Variants in MAGI1 observed in about 807,000 individuals in gnomAD.
MAGI1 encodes membrane-associated guanylate kinase, WW and PDZ domain-containing protein 1.
In MAGI1, 58 loss-of-function variants were observed where a neutral mutation model predicts 139.9. The observed-to-expected ratio is 0.41, with a 90% CI of 0.34 to 0.52. The LOEUF (loss-of-function observed/expected upper bound fraction) is 0.52. MAGI1 is among the 20% of genes least tolerant of loss of function. The pLI, the probability that MAGI1 is intolerant of heterozygous loss-of-function variation, is 0.12. For synonymous variants in MAGI1, 812 were observed against 737.9 expected (o/e 1.10, Z -1.63); for missense variants, 1,874 against 1,901.6 (o/e 0.99, Z 0.27).
intron 1 of MAGI1, among the ~76,000 whole-genome samples, chr3:65,814,530 C>G (rs1005226821): frequency 2.0e-5 from 3 of 152,092 alleles, no homozygotes; most frequent in African/African-American, 4.8e-5. Flanking sequence ...TTTCTTTCGC[C>G]CAGAGGATTC....
chr3:65,915,082 A>G (rs947435564), intron 1 of MAGI1, among the ~76,000 whole-genome samples: 5 of 152,222 alleles, frequency 3.3e-5, no homozygotes, highest in Admixed American at 1.3e-4. Flanking sequence ...TCAATCTCTT[A>G]GGCAAATTGT....
intron 1 of MAGI1, chr3:65,907,725 AC>A (rs1290437648): frequency 6.6e-6 from 1 of 151,976 alleles, no homozygotes; most frequent in African/African-American, 2.4e-5. Context: ...CTTCACAGTA[AC>A]CTCCTGTGAG....
At chr3:65,543,693 T>C (rs1424724521) in intron 2 of MAGI1, among the ~76,000 whole-genome samples, 4 of 151,204 alleles carry the variant, frequency 2.6e-5, no homozygotes, top group South Asian at 4.2e-4. Context: ...TAAGTGGGAG[T>C]TGAACAATGA....
intron 1 of MAGI1, among the ~76,000 whole-genome samples, chr3:65,807,495 C>T (rs1227634326): frequency 1.3e-5 from 2 of 152,118 alleles, no homozygotes; most frequent in African/African-American, 2.4e-5. Context: ...AACACGATTC[C>T]GGGGCAGGAG....
intron 14 of MAGI1, among the ~76,000 whole-genome samples, chr3:65,389,595 T>A (rs1943736992): frequency 6.6e-6 from 1 of 152,128 alleles, no homozygotes; most frequent in Non-Finnish European, 1.5e-5. Context: ...TCTTAAATGG[T>A]TTTCTTCAGT....
intron 1 of MAGI1, among the ~76,000 whole-genome samples, chr3:65,979,094 C>CCCA (rs1553742286): frequency 1.9e-5 from 1 of 53,018 alleles, no homozygotes; most frequent in African/African-American, 5.1e-5. Flanking sequence ...TTCTTCCCCC[C>CCCA]CCCCGCCACC....
At chr3:65,484,262 T>G (rs1299165414) in intron 3 of MAGI1, among the ~76,000 whole-genome samples, 1 of 152,142 alleles carries the variant, frequency 6.6e-6, no homozygotes. Context: ...AGGCCCAAAG[T>G]GGCAGAAACG....
chr3:65,919,679 TTCTC>T (rs10575249), intron 1 of MAGI1, among the ~76,000 whole-genome samples: 103,991 of 148,376 alleles, frequency 0.7, 36,709 homozygotes, highest in East Asian at 0.85. Context: ...TTCTCTCTCC[TTCTC>T]TCTCTCTCTC....
rs1461638265 is a variant in MAGI1, at chr3:65,439,884, G to C, written c.1265C>G (p.Thr422Arg). 6.3e-6 allele frequency: 10 copies of C among 1,580,462 alleles called. No homozygotes were observed. The highest frequency in any genetic ancestry group is 7.7e-6 in the Non-Finnish European group (9 of 1,167,894). The change falls in exon 9 of 23, where the codon ACA (threonine) becomes AGA (arginine). Residue 422 changes from threonine to arginine, a missense_variant. By Grantham distance (71) the Thr-to-Arg change is moderately conservative. Coordinates refer to ENST00000402939, the MANE Select transcript of MAGI1 (RefSeq NM_001033057.2). ...QQQQQQQQQQ[T>R]EEWTEDHSAL... is the part of the protein sequence containing the mutation. ...CCTAGAGGAAAGAGGCCAACCTTCT[G>C]TCTGCTGCTGCTGCTGCTGCTGCTG...
intron 1 of MAGI1, among the ~76,000 whole-genome samples, chr3:66,013,589 G>A (rs191668082): frequency 1.3e-3 from 190 of 151,284 alleles, no homozygotes; most frequent in African/African-American, 4.1e-3. Context: ...GTGAAACTCC[G>A]TCTCTACTAA....
chr3:65,606,008 G>A (rs1276240869), intron 2 of MAGI1, among the ~76,000 whole-genome samples: 2 of 151,850 alleles, frequency 1.3e-5, no homozygotes, highest in Middle Eastern at 3.4e-3. Context: ...AATTAGCACA[G>A]AATGTGCATT....
intron 1 of MAGI1, among the ~76,000 whole-genome samples, chr3:65,951,282 T>C (rs1355544324): frequency 6.6e-6 from 1 of 152,202 alleles, no homozygotes; most frequent in Non-Finnish European, 1.5e-5. Context: ...ATACCTCACA[T>C]GGCTGAAGAA....
chr3:65,726,369 T>C (rs1166423327), intron 1 of MAGI1, among the ~76,000 whole-genome samples: 1 of 152,220 alleles, frequency 6.6e-6, no homozygotes, highest in Non-Finnish European at 1.5e-5. Context: ...CCATTCAATC[T>C]GGTAAAGATA....
chr3:65,702,564 C>A (rs2089688964), intron 1 of MAGI1, among the ~76,000 whole-genome samples: 1 of 152,090 alleles, frequency 6.6e-6, no homozygotes, highest in South Asian at 2.1e-4. Context: ...CCTCTCCTAC[C>A]CTGGTCTTTT....
chr3:65,929,740 T>C (rs2062704525), intron 1 of MAGI1, among the ~76,000 whole-genome samples: 1 of 151,372 alleles, frequency 6.6e-6, no homozygotes, highest in South Asian at 2.1e-4. Context: ...GCCATAAAAG[T>C]TTAAAACTCC....
At chr3:66,028,746 C>T (rs1372466288) in intron 1 of MAGI1, among the ~76,000 whole-genome samples, 1 of 152,124 alleles carries the variant, frequency 6.6e-6, no homozygotes, top group Non-Finnish European at 1.5e-5. Context: ...GCAACTCAAA[C>T]CTCCGTGAGG....
intron 1 of MAGI1, among the ~76,000 whole-genome samples, chr3:65,781,202 A>C (rs890092261): frequency 2.6e-5 from 4 of 152,142 alleles, no homozygotes; most frequent in African/African-American, 9.7e-5. Context: ...TCTCAAAAAA[A>C]AAAAGAACAA....
chr3:65,426,999 G>C (rs559313380), intron 12 of MAGI1, among the ~76,000 whole-genome samples: 2 of 152,256 alleles, frequency 1.3e-5, no homozygotes, highest in East Asian at 1.9e-4. Flanking sequence ...ATTAAGAAGA[G>C]AGAATGCAAA....
At chr3:65,601,266 G>A (rs2082471237) in intron 2 of MAGI1, among the ~76,000 whole-genome samples, 1 of 152,064 alleles carries the variant, frequency 6.6e-6, no homozygotes, top group Non-Finnish European at 1.5e-5. Flanking sequence ...TTTATAGTTT[G>A]TTTGTTTTTT....
Sources: allele counts gnomAD v4.1 joint callset (sites outside exome capture counted in the v4.1 genomes callset), GRCh38; gene constraint gnomAD v4.1.1; transcripts MANE v1.5; gene names NCBI Gene and HGNC (gene_info 2026-07-23, HGNC 2026-07-21).